Variants in F13A1 observed in about 807,000 individuals in gnomAD.
The protein encoded by F13A1 is FSF, A subunit.
F13A1 carries 47 observed loss-of-function variants against 80.1 expected under a neutral mutation model. That is an observed-to-expected ratio of 0.59 (90% confidence interval 0.46 to 0.75). The LOEUF is 0.75. F13A1 is among the 30% of genes least tolerant of loss of function. The pLI is 0.00. For synonymous variants in F13A1, 349 were observed against 344.9 expected, an observed-to-expected ratio of 1.01 and a Z score of -0.13; for missense variants, 817 against 930.4, an observed-to-expected ratio of 0.88 and a Z score of 1.59.
rs1453691281 is a variant in F13A1 at position 6,250,913 on chromosome 6, C to T, written c.588G>A (p.Leu196=). Residue 196 remains leucine (L), a synonymous_variant, in exon 5 of 15, where the codon CTG becomes CTA. Coordinates refer to ENST00000264870, the MANE Select transcript of F13A1 (RefSeq NM_000129.4). The surrounding 1 kb of genome is among the most constrained non-coding windows in gnomAD (Gnocchi z 4.2). ...NPWCEDDAVY[L]DNEKEREEYV... is the part of the protein sequence containing the mutation. The stretch of plus-strand genomic sequence containing the variant: ...ACTCTTCTCTTTCTTTCTCATTGTC[C>T]AGATACACAGCATCATCTGCATCAG... 2 of 1,610,702 alleles carry T rather than the reference C, an allele frequency of 1.2e-6. No homozygotes were observed.
At chr6:6,149,165 A>T (rs1247992579) in intron 14 of F13A1, among the ~76,000 whole-genome samples, 1 of 152,166 alleles carries the variant, frequency 6.6e-6, no homozygotes, top group Non-Finnish European at 1.5e-5. Context: ...GGTAACTATG[A>T]TTAACAGTAG....
Position 6,167,503 on chromosome 6 carries a change from G to T in F13A1, c.1863C>A (p.Ala621=), listed in dbSNP as rs958236716. ...TGGTTAGCACGGTGGACTTTTGCTTGGCCAGAACATCCCTGGTCTCATTGA... is the reference window on the plus strand; with the variant it reads ...TGGTTAGCACGGTGGACTTTTGCTTTGCCAGAACATCCCTGGTCTCATTGA... ...ARINETRDVL[A]KQKSTVLTIP... The change falls in exon 13 of 15, where the codon GCC becomes GCA. Residue 621 remains alanine (A), a synonymous_variant. Coordinates refer to ENST00000264870, the MANE Select transcript of F13A1 (RefSeq NM_000129.4). The T allele has an allele frequency of 6.2e-7, 1 of 1,613,990 alleles. No homozygotes were observed. Among genetic ancestry groups the T allele is most frequent in the Admixed American group, 1.7e-5 (1 of 60,004 alleles).
intron 14 of F13A1, among the ~76,000 whole-genome samples, chr6:6,146,970 A>G (rs1251660164): frequency 1.3e-5 from 2 of 152,232 alleles, no homozygotes; most frequent in Admixed American, 6.5e-5. Flanking sequence ...AATACTACTC[A>G]GCCATAAAAA....
intron 3 of F13A1, among the ~76,000 whole-genome samples, chr6:6,285,802 C>G (rs1218713702): frequency 6.6e-6 from 1 of 151,298 alleles, no homozygotes; most frequent in Non-Finnish European, 1.5e-5. Flanking sequence ...TCCCAATAAA[C>G]AGAAATACCT....
At chr6:6,300,616 G>A (rs961157885) in intron 3 of F13A1, among the ~76,000 whole-genome samples, 7 of 151,898 alleles carry the variant, frequency 4.6e-5, no homozygotes, top group Admixed American at 2.6e-4. Flanking sequence ...CACAGTGCAC[G>A]CACCCACTGA....
At chr6:6,191,444 G>A (rs1035132407) in intron 10 of F13A1, among the ~76,000 whole-genome samples, 1 of 152,136 alleles carries the variant, frequency 6.6e-6, no homozygotes, top group Non-Finnish European at 1.5e-5. Context: ...GCATGAAATT[G>A]GATATTTTTT....
chr6:6,296,005 C>T (rs797002454), intron 3 of F13A1, among the ~76,000 whole-genome samples: 9 of 140,572 alleles, frequency 6.4e-5, no homozygotes, highest in African/African-American at 9.2e-5. Context: ...AATAGGGAAT[C>T]CTTTCCCCAT....
At chr6:6,276,471 C>T (rs530877895) in intron 3 of F13A1, among the ~76,000 whole-genome samples, 110 of 152,308 alleles carry the variant, frequency 7.2e-4, no homozygotes, top group Middle Eastern at 3.4e-3. Flanking sequence ...TAGTCATTCA[C>T]TCGCTTGTGT....
chr6:6,220,654 G>T (rs1757179587), intron 8 of F13A1, among the ~76,000 whole-genome samples: 1 of 152,038 alleles, frequency 6.6e-6, no homozygotes, highest in African/African-American at 2.4e-5. Flanking sequence ...TTTAACAATT[G>T]CAATGAGTTT....
At chr6:6,273,261 T>G (rs923011515) in intron 3 of F13A1, among the ~76,000 whole-genome samples, 1 of 152,216 alleles carries the variant, frequency 6.6e-6, no homozygotes, top group East Asian at 1.9e-4. Context: ...ATAGCTCCCA[T>G]AGAATGTCAC....
intron 6 of F13A1, among the ~76,000 whole-genome samples, chr6:6,238,266 C>T (rs887681905): frequency 6.6e-6 from 1 of 152,156 alleles, no homozygotes; most frequent in Admixed American, 6.6e-5. Flanking sequence ...GCCTTTCCAA[C>T]AGTCTTTTCA....
At chr6:6,285,376 T>C (rs1362618198) in intron 3 of F13A1, among the ~76,000 whole-genome samples, 2 of 152,194 alleles carry the variant, frequency 1.3e-5, no homozygotes, top group South Asian at 4.1e-4. Context: ...GACAAGATGT[T>C]ATAGAGATTT....
chr6:6,252,977 A>G (rs1399753932), intron 4 of F13A1, among the ~76,000 whole-genome samples: 1 of 151,750 alleles, frequency 6.6e-6, no homozygotes, highest in Admixed American at 6.6e-5. Flanking sequence ...TGGCCAATAC[A>G]GTGAAACCCC....
chr6:6,199,326 A>G (rs1761350051), intron 8 of F13A1, among the ~76,000 whole-genome samples: 1 of 152,032 alleles, frequency 6.6e-6, no homozygotes, highest in African/African-American at 2.4e-5. Context: ...CGTCTCTACT[A>G]AAAATACAAA....
At chr6:6,293,549 T>C (rs1758262617) in intron 3 of F13A1, among the ~76,000 whole-genome samples, 1 of 151,866 alleles carries the variant, frequency 6.6e-6, no homozygotes, top group Admixed American at 6.6e-5. Context: ...AGCTGTGCTC[T>C]GCCAGCAACT....
rs1275762818 is a variant in F13A1, at chr6:6,213,530, G to A, written c.1112+8503C>T. The stretch of plus-strand genomic sequence containing the variant: ...CCCTAAAAGAGCTCCTGAAGGAAGC[G>A]CTAAACATGGAAAGGAACAACCGGT... On this transcript the variant is annotated intron_variant, in intron 8 of 14. Coordinates refer to ENST00000264870, the MANE Select transcript of F13A1 (RefSeq NM_000129.4). 8.0e-3 allele frequency among the ~76,000 whole-genome samples: 1,139 copies of A among 143,224 alleles called. 1 individual carries two copies. The highest frequency in any genetic ancestry group is 0.015 in the Middle Eastern group (4 of 274). The allele number at this position is 143,224 out of a possible 152,430, so 94.0% of individuals were successfully genotyped here.
intron 8 of F13A1, among the ~76,000 whole-genome samples, chr6:6,213,402 C>A (rs1049689676): frequency 1.3e-5 from 2 of 152,042 alleles, no homozygotes; most frequent in African/African-American, 4.8e-5. Context: ...GAATTTTCAA[C>A]CCCGAATTTC....
At chr6:6,227,106 A>T (rs1371551918) in intron 6 of F13A1, among the ~76,000 whole-genome samples, 1 of 152,260 alleles carries the variant, frequency 6.6e-6, no homozygotes, top group East Asian at 1.9e-4. Flanking sequence ...AATAAAAAAA[A>T]TACTAGAAGA....
At chr6:6,190,808 C>T (rs1279461453) in intron 10 of F13A1, among the ~76,000 whole-genome samples, 5 of 151,972 alleles carry the variant, frequency 3.3e-5, no homozygotes, top group Non-Finnish European at 7.4e-5. Context: ...CAATGGTGGG[C>T]GCCCCTCCCC....
Sources: allele counts gnomAD v4.1 joint callset (sites outside exome capture counted in the v4.1 genomes callset), GRCh38; gene constraint gnomAD v4.1.1; non-coding constraint Gnocchi (gnomAD v3.1); transcripts MANE v1.5; gene names NCBI Gene and HGNC (gene_info 2026-07-23, HGNC 2026-07-21).